Variants in FBXL17 observed in about 807,000 individuals in gnomAD.
FBXL17 encodes the protein F-box and leucine rich repeat protein 17.
A neutral mutation model predicts 66.2 loss-of-function variants in FBXL17; 22 were observed. The observed-to-expected ratio is 0.33, with a 90% CI of 0.24 to 0.47. The LOEUF is 0.47. Ranked by LOEUF, FBXL17 falls within the 20% of genes least tolerant of loss-of-function variation. The pLI, the probability that FBXL17 is intolerant of heterozygous loss-of-function variation, is 1.00. For missense variants in FBXL17, 878 were observed against 948.2 expected (o/e 0.93, Z 0.97); for synonymous variants, 474 against 400.5 (o/e 1.18, Z -2.19).
chr5:108,341,763 C>A (rs1354170706), intron 4 of FBXL17, among the ~76,000 whole-genome samples: 3 of 152,100 alleles, frequency 2.0e-5, no homozygotes, highest in African/African-American at 4.8e-5. Context: ...CCTAGTGGCA[C>A]TGTAACACTC....
At chr5:108,083,589 G>A (rs62359462) in intron 6 of FBXL17, among the ~76,000 whole-genome samples, 13 of 141,678 alleles carry the variant, frequency 9.2e-5, no homozygotes, top group Non-Finnish European at 1.8e-4. Flanking sequence ...TTTTTTTTTG[G>A]TAGAGACAGG....
chr5:108,137,762 A>G (rs1228049924), intron 6 of FBXL17, among the ~76,000 whole-genome samples: 1 of 152,150 alleles, frequency 6.6e-6, no homozygotes, highest in Non-Finnish European at 1.5e-5. Flanking sequence ...CCACCTACAC[A>G]TTTATTTCAT....
intron 6 of FBXL17, among the ~76,000 whole-genome samples, chr5:108,169,182 G>A (rs1417775294): frequency 6.6e-6 from 1 of 152,064 alleles, no homozygotes; most frequent in Non-Finnish European, 1.5e-5. Flanking sequence ...ACACAAAAAA[G>A]CTCCTCTATA....
chr5:108,104,253 T>G (rs1034476517), intron 6 of FBXL17, among the ~76,000 whole-genome samples: 1 of 152,192 alleles, frequency 6.6e-6, no homozygotes, highest in Non-Finnish European at 1.5e-5. Context: ...GCCAGGCTGG[T>G]CTCGAACTCC....
At chr5:108,055,303 A>C (rs1238872810) in intron 6 of FBXL17, among the ~76,000 whole-genome samples, 2 of 32,054 alleles carry the variant, frequency 6.2e-5, no homozygotes, top group Admixed American at 3.7e-4. Flanking sequence ...AAAAAAAAAA[A>C]AAAAAAAAAA....
intron 7 of FBXL17, among the ~76,000 whole-genome samples, chr5:107,996,203 T>TC (rs1207642594): frequency 3.9e-5 from 6 of 152,204 alleles, no homozygotes; most frequent in South Asian, 2.1e-4. Flanking sequence ...GTCCAAATCC[T>TC]CCCTTCCTTT....
chr5:108,021,044 A>C, intron 6 of FBXL17, 43 bp from the exon 7 acceptor site: 1 of 1,396,188 alleles, frequency 7.2e-7, no homozygotes, highest in Non-Finnish European at 1.0e-6. Flanking sequence ...GTTTCAAGTT[A>C]AATTAGCAGG....
chr5:108,132,954 C>T (rs2149978234), intron 6 of FBXL17, among the ~76,000 whole-genome samples: 1 of 152,070 alleles, frequency 6.6e-6, no homozygotes, highest in East Asian at 1.9e-4. Flanking sequence ...GTCATATTAG[C>T]AATGGGAAAA....
intron 4 of FBXL17, among the ~76,000 whole-genome samples, chr5:108,294,043 C>CAAAAAAAAAAAAAAA (rs71624893): frequency 2.0e-5 from 1 of 51,124 alleles, no homozygotes; most frequent in African/African-American, 7.4e-5. Flanking sequence ...TCTTGTCTCA[C>CAAAAAAAAAAAAAAA]AAAAAAAAAA....
intron 7 of FBXL17, among the ~76,000 whole-genome samples, chr5:107,942,962 G>A (rs1751161931): frequency 6.6e-6 from 1 of 152,050 alleles, no homozygotes; most frequent in Admixed American, 6.6e-5. Context: ...CACTTTTCAG[G>A]TCCTCGTTTC....
intron 4 of FBXL17, among the ~76,000 whole-genome samples, chr5:108,263,265 G>C (rs1213948147): frequency 6.6e-6 from 1 of 152,014 alleles, no homozygotes; most frequent in East Asian, 1.9e-4. Flanking sequence ...CAGTTGTAGA[G>C]GTCTTGGACA....
intron 6 of FBXL17, among the ~76,000 whole-genome samples, chr5:108,062,401 A>T (rs1009697313): frequency 3.9e-5 from 6 of 152,166 alleles, no homozygotes; most frequent in Admixed American, 3.3e-4. Context: ...ATCCATGCAA[A>T]ATTCATATCT....
chr5:108,308,925 T>C (rs1033581918), intron 4 of FBXL17, among the ~76,000 whole-genome samples: 30 of 152,150 alleles, frequency 2.0e-4, no homozygotes, highest in Admixed American at 1.6e-3. Context: ...AATCTGCCAA[T>C]AGGTAGCAAA....
rs1363335386 is a variant in FBXL17 at position 107,980,665 on chromosome 5, T to TA, written c.1822+40259_1822+40260insT. Among the ~76,000 whole-genome samples, 28 of 79,152 alleles carry TA rather than the reference T, an allele frequency of 3.5e-4. 9 individuals are homozygous for TA. The highest frequency in any genetic ancestry group is 5.0e-3 in the Middle Eastern group (1 of 200). The allele number at this position is 79,152 out of a possible 152,430, so 51.9% of individuals were successfully genotyped here. On this transcript the variant is annotated intron_variant, in intron 7 of 8. Coordinates refer to ENST00000542267, the MANE Select transcript of FBXL17 (RefSeq NM_001163315.3). ...AAAATAATATATATATATATATATATTTTTTTTTTGAGATGGAGTCTTGCT... is the reference window on the plus strand; with the variant it reads ...AAAATAATATATATATATATATATATATTTTTTTTTGAGATGGAGTCTTGCT...
intron 5 of FBXL17, among the ~76,000 whole-genome samples, chr5:108,220,972 G>C (rs888485655): frequency 6.6e-6 from 1 of 152,078 alleles, no homozygotes; most frequent in African/African-American, 2.4e-5. Context: ...TCTTATCTTT[G>C]CTTCCTAAAT....
intron 4 of FBXL17, among the ~76,000 whole-genome samples, chr5:108,253,676 G>A (rs1008892372): frequency 2.6e-4 from 40 of 152,170 alleles, no homozygotes; most frequent in Admixed American, 1.8e-3. Context: ...AAGTAAGTAC[G>A]CAAATATAGC....
intron 6 of FBXL17, among the ~76,000 whole-genome samples, chr5:108,085,971 C>T (rs1357239827): frequency 6.6e-6 from 1 of 152,118 alleles, no homozygotes; most frequent in African/African-American, 2.4e-5. Flanking sequence ...GCCTTAGAAG[C>T]AAGGTCTTTC....
At chr5:107,942,427 T>A (rs1358696621) in intron 7 of FBXL17, among the ~76,000 whole-genome samples, 1 of 152,150 alleles carries the variant, frequency 6.6e-6, no homozygotes, top group Non-Finnish European at 1.5e-5. Context: ...CCCAACTTGA[T>A]CTGCAAATTC....
At chr5:108,072,083 TG>T (rs1205451205) in intron 6 of FBXL17, among the ~76,000 whole-genome samples, 1 of 152,150 alleles carries the variant, frequency 6.6e-6, no homozygotes, top group African/African-American at 2.4e-5. Context: ...CTCAAAGTGA[TG>T]GGTACTTCAC....
Sources: allele counts gnomAD v4.1 joint callset (sites outside exome capture counted in the v4.1 genomes callset), GRCh38; gene constraint gnomAD v4.1.1; transcripts MANE v1.5; gene names NCBI Gene and HGNC (gene_info 2026-07-23, HGNC 2026-07-21).